The following ZNF44 variants were observed in gnomAD, a reference collection of about 807,000 sequenced individuals.
The protein encoded by ZNF44 is zinc finger protein 44, also known as gonadotropin inducible transcription repressor-2.
In ZNF44, 9 loss-of-function variants were observed where a neutral mutation model predicts 11.7. That is an observed-to-expected ratio of 0.77 (90% confidence interval 0.46 to 1.35). ZNF44 has a LOEUF of 1.35. Ranked by LOEUF, ZNF44 falls within the 40% of genes most tolerant of loss-of-function variation. The probability of loss-of-function intolerance (pLI) is 0.00; values close to 1 mark genes in which losing one functional copy is unlikely to be tolerated. For synonymous variants in ZNF44, 224 were observed against 242.7 expected (o/e 0.92, Z 0.72); for missense variants, 696 against 743.1 (o/e 0.94, Z 0.74).
downstream of ZNF44, among the ~76,000 whole-genome samples, chr19:12,243,467 C>T (rs1916687004): frequency 6.6e-6 from 1 of 152,178 alleles, no homozygotes; most frequent in Admixed American, 6.5e-5. Context: ...TTTATAGTGT[C>T]CACCAGGTTT....
At chr19:12,281,699 C>T (rs913950917) in intron 1 of ZNF44, among the ~76,000 whole-genome samples, 3 of 152,054 alleles carry the variant, frequency 2.0e-5, no homozygotes, top group Admixed American at 6.6e-5. Context: ...AAAGAGGAGC[C>T]ATCACTACTA....
At chr19:12,261,696 C>T (rs886931573) in intron 5 of ZNF44, among the ~76,000 whole-genome samples, 19 of 152,126 alleles carry the variant, frequency 1.2e-4, no homozygotes, top group African/African-American at 3.6e-4. Context: ...AGGAAAAATA[C>T]GCATTTACAA....
chr19:12,225,055 A>G (rs1381038329), downstream of ZNF44: 1 of 152,106 alleles, frequency 6.6e-6, no homozygotes, highest in Admixed American at 6.5e-5. Flanking sequence ...ATTAAGGTGA[A>G]TTTTAAAATG....
At chr19:12,260,050 G>A in intron 5 of ZNF44, 1 of 501,234 alleles carries the variant, frequency 2.0e-6, no homozygotes, top group East Asian at 4.8e-5. Flanking sequence ...TTACATTTGG[G>A]GCAACCCAGG....
intron 1 of ZNF44, chr19:12,293,319 G>A: frequency 6.5e-7 from 1 of 1,536,984 alleles, no homozygotes; most frequent in South Asian, 1.2e-5. Context: ...GGCCCTCCAT[G>A]AGATTGGCAG....
chr19:12,286,158 TTG>T (rs1269819591), intron 1 of ZNF44, among the ~76,000 whole-genome samples: 11 of 152,320 alleles, frequency 7.2e-5, no homozygotes, highest in African/African-American at 2.4e-4. Context: ...AGCACAATTT[TTG>T]TGTTTTTCCC....
downstream of ZNF44, among the ~76,000 whole-genome samples, chr19:12,268,631 T>G (rs528191559): frequency 6.6e-6 from 1 of 152,156 alleles, no homozygotes; most frequent in South Asian, 2.1e-4. Flanking sequence ...TCACCCAGGC[T>G]GGAGTACAGA....
At chr19:12,242,646 T>C (rs1916658913), downstream of ZNF44, 1 of 125,692 alleles carries the variant, frequency 8.0e-6, no homozygotes, top group South Asian at 2.5e-4. Flanking sequence ...GTAAGACCTA[T>C]ATAGTAAGAC....
chr19:12,271,214 GAAA>G (rs765193190), downstream of ZNF44, among the ~76,000 whole-genome samples: 2 of 152,092 alleles, frequency 1.3e-5, no homozygotes, highest in Non-Finnish European at 2.9e-5. Flanking sequence ...TCCTTTGATT[GAAA>G]AAAGCTTCTG....
rs1966969399 is a variant in ZNF44 at position 12,272,059 on chromosome 19, C to A, written c.*348G>T. 1 of 168,350 alleles carries A rather than the reference C, an allele frequency of 5.9e-6. No homozygotes were observed. Among genetic ancestry groups the A allele is most frequent in the East Asian group, 1.6e-4 (1 of 6,152 alleles). 10.4% of individuals were successfully genotyped at this position (168,350 alleles called of 1,614,324 possible). ...GCACCCAAGCTGGAGTGCAGTAGTG[C>A]AATCTCGGCTCACTGCAACCTCCAC... On this transcript the variant is annotated 3_prime_UTR_variant, in exon 4 of 4. Coordinates refer to ENST00000355684, the MANE Select transcript of ZNF44 (RefSeq NM_016264.4).
rs1248540388 is a variant in ZNF44, at chr19:12,272,942, T to G, written c.1313A>C (p.Lys438Thr). The change falls in exon 4 of 4, where the codon AAA (lysine) becomes ACA (threonine). Residue 438 changes from lysine to threonine, a missense_variant. Physicochemically the swap from Lys to Thr is moderately conservative, Grantham distance 78 (BLOSUM62 -1). Coordinates refer to ENST00000355684, the MANE Select transcript of ZNF44 (RefSeq NM_016264.4). The stretch of plus-strand genomic sequence containing the variant: ...CTCTCCAGTGTGTGTTGTTTCATGT[T>G]TTCGAAGGGAACTGGAAGTACGGAA... ...KAFRTSSSLR[K>T]HETTHTGEQP... 6.2e-7 allele frequency: 1 copy of G among 1,613,568 alleles called. No individual in the cohort carries two copies. The highest frequency in any genetic ancestry group is 2.2e-5 in the East Asian group (1 of 44,804).
Position 12,227,076 on chromosome 19 carries a change from C to CA in ZNF44, n.437-550dup, listed in dbSNP as rs530207669. 3.3e-5 allele frequency among the ~76,000 whole-genome samples: 5 copies of CA among 152,036 alleles called. No homozygotes were observed. The South Asian group carries it at 1.0e-3, about 32-fold the overall frequency. On this transcript the variant is annotated intron_variant and non_coding_transcript_variant, in intron 3 of 3. Transcript: ENST00000597563. ...AGACTCTGTCTTAAAAACAAACAAA[C>CA]AAAAAAGATCACTCCAGTCTCCTGC...
intron 2 of ZNF44, among the ~76,000 whole-genome samples, chr19:12,275,240 C>T (rs1333578898): frequency 1.3e-5 from 2 of 152,194 alleles, no homozygotes; most frequent in Non-Finnish European, 2.9e-5. Flanking sequence ...ATCAACCCCT[C>T]TTCTTAGTTA....
At position 12,247,995 on chromosome 19, in the gene ZNF44, T is replaced by TA. The variant is rs1568426903; in HGVS notation, c.*869dup. ...TTCATGTCTTTGAGCAGAGTTGTGA[T>TA]ATACGAACACTTTCCCACATTTTTT... On this transcript the variant is annotated 3_prime_UTR_variant and NMD_transcript_variant, in exon 8 of 8. Coordinates refer to the ZNF44 transcript ENST00000393337. The TA allele has an allele frequency of 2.2e-6, 3 of 1,343,284 alleles. No homozygotes were observed. In the Admixed American group the frequency reaches 6.1e-5, roughly 27 times the overall value. The allele number at this position is 1,343,284 out of a possible 1,614,324, so 83.2% of individuals were successfully genotyped here.
intron 5 of ZNF44, among the ~76,000 whole-genome samples, chr19:12,262,268 C>T (rs908741196): frequency 6.6e-6 from 1 of 151,972 alleles, no homozygotes; most frequent in African/African-American, 2.4e-5. Context: ...ATTCATTTTT[C>T]TTTTTCTTTT....
downstream of ZNF44, among the ~76,000 whole-genome samples, chr19:12,268,139 C>CACAG (rs1260005334): frequency 7.2e-4 from 93 of 128,668 alleles, no homozygotes; most frequent in African/African-American, 2.6e-3. Context: ...CTTACACACA[C>CACAG]ACACAGACAC....
intron 2 of ZNF44, among the ~76,000 whole-genome samples, chr19:12,233,907 C>CA (rs1457734757): frequency 3.3e-5 from 5 of 151,922 alleles, no homozygotes; most frequent in Non-Finnish European, 5.9e-5. Flanking sequence ...ACTAAAAATA[C>CA]AAAAATTAGC....
At chr19:12,290,531 C>T (rs962360941) in intron 1 of ZNF44, among the ~76,000 whole-genome samples, 3 of 151,048 alleles carry the variant, frequency 2.0e-5, no homozygotes, top group Non-Finnish European at 4.4e-5. Flanking sequence ...GAAACCCCAT[C>T]GCTACTAAAA....
rs894498386 is a variant in ZNF44, at chr19:12,249,904, TTTAA to T, written c.*186+70_*186+73del. On this transcript the variant is annotated intron_variant and NMD_transcript_variant, in intron 7 of 7. Transcript: ENST00000393337. ...TTTGAGGCTCAGCTTGTTTTGTTTC[TTTAA>T]TTATCAAATTTAATGACATACTAAG... The T allele has an allele frequency of 3.8e-6, 4 of 1,057,834 alleles. No homozygotes were observed. The African/African-American group carries it at 5.0e-5, about 13-fold the overall frequency. The allele number at this position is 1,057,834 out of a possible 1,614,324, so 65.5% of individuals were successfully genotyped here. A position where few individuals can be genotyped will look rare whatever the true frequency, so the allele number is the denominator to read the frequency against.
Sources: gnomAD v4.1 joint callset for allele counts (sites outside exome capture counted in the v4.1 genomes callset) on GRCh38, gnomAD v4.1.1 for gene constraint, MANE v1.5 for transcripts, NCBI Gene and HGNC (gene_info 2026-07-23, HGNC 2026-07-21) for gene names.